Variants in GPC6 observed in about 807,000 individuals in gnomAD.
The protein encoded by GPC6 is glypican 6, also known as glypican-6.
GPC6 carries 14 observed loss-of-function variants against 55.2 expected under a neutral mutation model. The observed-to-expected ratio is 0.25, with a 90% CI of 0.17 to 0.40. The LOEUF is 0.40. Among genes scored for constraint, GPC6 ranks in the 10% least tolerant of loss-of-function variants. The pLI is 1.00. For missense variants in GPC6, 641 were observed against 708.5 expected (o/e 0.90, Z 1.08); for synonymous variants, 278 against 259.6 (o/e 1.07, Z -0.68).
At chr13:93,662,812 G>T (rs938530693) in intron 2 of GPC6, among the ~76,000 whole-genome samples, 1 of 151,644 alleles carries the variant, frequency 6.6e-6, no homozygotes, top group African/African-American at 2.4e-5. Flanking sequence ...ATTCCTAATG[G>T]GACACCAGGA....
intron 6 of GPC6, among the ~76,000 whole-genome samples, chr13:94,371,115 A>G (rs1361729982): frequency 1.3e-5 from 2 of 152,212 alleles, no homozygotes; most frequent in Non-Finnish European, 2.9e-5. Context: ...CAGCAAGTTA[A>G]TGGTGGTGGA....
At chr13:93,974,277 T>G (rs1880421442) in intron 3 of GPC6, among the ~76,000 whole-genome samples, 1 of 152,212 alleles carries the variant, frequency 6.6e-6, no homozygotes. Context: ...CTAAGGTCTT[T>G]CTGTGATTAA....
chr13:94,163,841 C>T (rs912047913), intron 4 of GPC6, among the ~76,000 whole-genome samples: 7 of 152,062 alleles, frequency 4.6e-5, no homozygotes, highest in Admixed American at 3.3e-4. Flanking sequence ...AAAGGCATTA[C>T]ATAATCTTAA....
intron 3 of GPC6, among the ~76,000 whole-genome samples, chr13:93,882,962 G>T (rs973359340): frequency 6.6e-6 from 1 of 152,282 alleles, no homozygotes; most frequent in Middle Eastern, 3.4e-3. Flanking sequence ...GTATTATTAC[G>T]TCAATCTTAC....
At chr13:93,996,296 C>G (rs1881552143) in intron 3 of GPC6, among the ~76,000 whole-genome samples, 1 of 152,100 alleles carries the variant, frequency 6.6e-6, no homozygotes, top group South Asian at 2.1e-4. Context: ...GAATACAGGC[C>G]CCTTTGGGAA....
chr13:93,248,352 A>G lies in GPC6; in HGVS notation c.160+20736A>G, dbSNP rs193105806. 1.2e-3 allele frequency among the ~76,000 whole-genome samples: 179 copies of G among 152,092 alleles called. 1 individual carries two copies. In the East Asian group the frequency reaches 0.014, roughly 12 times the overall value. On this transcript the variant is annotated intron_variant, in intron 1 of 8. Transcript: ENST00000377047. ...TTGACAAAACTGCTTAGTCCCCTAAAGGATATATTTTCAAAAGTATGATCT... is the reference window on the plus strand; with the variant it reads ...TTGACAAAACTGCTTAGTCCCCTAAGGGATATATTTTCAAAAGTATGATCT...
rs754602693 is a variant in GPC6, at chr13:93,901,027, A to G, written c.711+70482A>G. Among the ~76,000 whole-genome samples the G allele has an allele frequency of 5.3e-5, 8 of 152,266 alleles. No homozygotes were observed. In the East Asian group the frequency reaches 1.4e-3, roughly 26 times the overall value. On this transcript the variant is annotated intron_variant, in intron 3 of 8. Transcript: ENST00000377047. ...ATTTTCTAAAATTCCTACTCTAAAT[A>G]TGTACTCACGAAAGTAAAGAAATAT...
intron 3 of GPC6, among the ~76,000 whole-genome samples, chr13:93,966,763 T>G (rs1051834884): frequency 6.9e-6 from 1 of 144,926 alleles, no homozygotes; most frequent in African/African-American, 2.5e-5. Flanking sequence ...CAATCCTCCC[T>G]CCTCAGCCTC....
rs1555300384 is a variant in GPC6, at chr13:93,439,694, A to AT, written c.161-105569_161-105568insT. ...AATAAAATAAAATAAAATAAATAAAAAAAATAAAATAAAATAAAATAAAAT... is the reference window on the plus strand; with the variant it reads ...AATAAAATAAAATAAAATAAATAAAATAAAATAAAATAAAATAAAATAAAAT... On this transcript the variant is annotated intron_variant, in intron 1 of 8. Coordinates refer to ENST00000377047, the MANE Select transcript of GPC6 (RefSeq NM_005708.5). 6.8e-3 allele frequency among the ~76,000 whole-genome samples: 997 copies of AT among 146,512 alleles called. 10 individuals are homozygous for AT. The highest frequency in any genetic ancestry group is 0.024 in the African/African-American group (946 of 39,860).
intron 4 of GPC6, among the ~76,000 whole-genome samples, chr13:94,218,271 A>G (rs955043737): frequency 6.6e-6 from 1 of 152,172 alleles, no homozygotes. Context: ...CTGCAAGATA[A>G]TTTAAAAGAT....
At chr13:93,838,576 A>T (rs1887829392) in intron 3 of GPC6, among the ~76,000 whole-genome samples, 1 of 152,184 alleles carries the variant, frequency 6.6e-6, no homozygotes, top group Non-Finnish European at 1.5e-5. Flanking sequence ...ACCAGCTAAG[A>T]TTTTTTAAAA....
At chr13:93,268,041 A>G (rs1240419435) in intron 1 of GPC6, among the ~76,000 whole-genome samples, 1 of 152,196 alleles carries the variant, frequency 6.6e-6, no homozygotes, top group Non-Finnish European at 1.5e-5. Flanking sequence ...GATTGCATCC[A>G]TTTTGATCTA....
In GPC6 at chr13:94,250,896, G is replaced by A. The variant is rs569717660; in HGVS notation, c.878-35453G>A. On this transcript the variant is annotated intron_variant, in intron 4 of 8. Transcript: ENST00000377047. The stretch of plus-strand genomic sequence containing the variant: ...TCTTAAATTCCTCTTAAAGGTGCAA[G>A]AGTAATTTAAAGTTTCAGACATAGA... Among the ~76,000 whole-genome samples, 7 of 152,222 alleles carry A rather than the reference G, an allele frequency of 4.6e-5. No individual in the cohort carries two copies. In the South Asian group the frequency reaches 1.5e-3, roughly 32 times the overall value.
chr13:94,398,830 A>G (rs968361282), intron 8 of GPC6, among the ~76,000 whole-genome samples, 189 bp downstream of exon 8: 8 of 152,278 alleles, frequency 5.3e-5, no homozygotes, highest in African/African-American at 1.9e-4. Flanking sequence ...GAATAAAATC[A>G]TAAATTCCAC....
At position 93,642,318 on chromosome 13, in the gene GPC6, A is replaced by G. The variant is rs1034145583; in HGVS notation, c.319+96897A>G. On this transcript the variant is annotated intron_variant, in intron 2 of 8. Coordinates refer to ENST00000377047, the MANE Select transcript of GPC6 (RefSeq NM_005708.5). ...CTCCAGCCACGTTGCTGCAGAGGAC[A>G]TGATCTCATTCATTATTATGGCTGC... Among the ~76,000 whole-genome samples the G allele has an allele frequency of 3.3e-5, 5 of 152,238 alleles. No individual in the cohort carries two copies. In the East Asian group the frequency reaches 7.7e-4, roughly 24 times the overall value.
intron 1 of GPC6, among the ~76,000 whole-genome samples, chr13:93,458,233 T>C (rs1878544728): frequency 1.3e-5 from 2 of 152,156 alleles, no homozygotes; most frequent in African/African-American, 4.8e-5. Flanking sequence ...CACAGTAACT[T>C]TCTATATGGT....
intron 1 of GPC6, among the ~76,000 whole-genome samples, chr13:93,521,600 A>G (rs980039794): frequency 6.6e-6 from 1 of 152,098 alleles, no homozygotes; most frequent in Admixed American, 6.6e-5. Flanking sequence ...AGGGTGCCCC[A>G]TGGGCTTCCA....
intron 2 of GPC6, among the ~76,000 whole-genome samples, chr13:93,626,561 G>A (rs765285421): frequency 3.3e-5 from 5 of 152,142 alleles, no homozygotes; most frequent in Admixed American, 6.5e-5. Context: ...CAACACTTTA[G>A]GAGGTGGAGG....
intron 1 of GPC6, among the ~76,000 whole-genome samples, chr13:93,231,580 T>A (rs546672023): frequency 6.6e-6 from 1 of 151,698 alleles, no homozygotes; most frequent in Non-Finnish European, 1.5e-5. Context: ...GAATTGGCCA[T>A]GCTACCACCA....
Sources: allele counts gnomAD v4.1 joint callset (sites outside exome capture counted in the v4.1 genomes callset), GRCh38; gene constraint gnomAD v4.1.1; transcripts MANE v1.5; gene names NCBI Gene and HGNC (gene_info 2026-07-23, HGNC 2026-07-21).